Variants in SORCS3 observed in about 807,000 individuals in gnomAD.
SORCS3 encodes VPS10 domain-containing receptor SorCS3.
SORCS3 carries 57 observed loss-of-function variants against 146.3 expected under a neutral mutation model. That is an observed-to-expected ratio of 0.39 (90% CI 0.31 to 0.49). The LOEUF (loss-of-function observed/expected upper bound fraction) is 0.49, where lower values mean the gene tolerates loss of function less well. SORCS3 is among the 20% of genes least tolerant of loss of function. The probability of loss-of-function intolerance (pLI) is 0.92; values close to 1 mark genes in which losing one functional copy is unlikely to be tolerated. For synonymous variants in SORCS3, 653 were observed against 618.5 expected (o/e 1.06, Z -0.83); for missense variants, 1,341 against 1,575.5 (o/e 0.85, Z 2.52).
chr10:105,082,012 G>A (rs895917970), intron 5 of SORCS3, among the ~76,000 whole-genome samples: 3 of 152,200 alleles, frequency 2.0e-5, no homozygotes, highest in South Asian at 4.1e-4. Flanking sequence ...TATTATAACC[G>A]TTCATTCAAC....
At position 105,043,114 on chromosome 10, in the gene SORCS3, C is replaced by T; in HGVS notation, c.1014C>T (p.Pro338=). 1 of 1,613,666 alleles carries T rather than the reference C, an allele frequency of 6.2e-7. No homozygotes were observed. Among genetic ancestry groups the T allele is most frequent in the Non-Finnish European group, 8.5e-7 (1 of 1,179,680 alleles). The change falls in exon 5 of 27, where the codon CCC becomes CCT. Residue 338 remains proline, a synonymous_variant. Coordinates refer to ENST00000369701, the MANE Select transcript of SORCS3 (RefSeq NM_014978.3). Reference sequence around the variant, plus strand: ...AACTCATGCATGAACGCATCACACCCAACAGGTTTTATTGGTAAGCCCTAT... The same window carrying T: ...AACTCATGCATGAACGCATCACACCTAACAGGTTTTATTGGTAAGCCCTAT... ...RWQLMHERIT[P]NRFYWSVAGL...
At chr10:104,670,008 C>A (rs897056596) in intron 1 of SORCS3, among the ~76,000 whole-genome samples, 1 of 151,734 alleles carries the variant, frequency 6.6e-6, no homozygotes, top group African/African-American at 2.4e-5. Flanking sequence ...GCTTATTAGT[C>A]ATTTGTATAT....
intron 21 of SORCS3, among the ~76,000 whole-genome samples, chr10:105,246,925 A>T (rs2056869854): frequency 6.6e-6 from 1 of 152,354 alleles, no homozygotes; most frequent in South Asian, 2.1e-4. Flanking sequence ...ACAGTAGCAG[A>T]CGTCTCCTTC....
chr10:105,252,613 G>GA (rs1214051674), intron 22 of SORCS3, among the ~76,000 whole-genome samples, 162 bp from the exon 23 acceptor site: 2 of 152,218 alleles, frequency 1.3e-5, no homozygotes, highest in Non-Finnish European at 2.9e-5. Flanking sequence ...AGGTCTAAGG[G>GA]AAAAACTGAA....
chr10:105,082,007 T>C (rs573032792), intron 5 of SORCS3, among the ~76,000 whole-genome samples: 1 of 152,324 alleles, frequency 6.6e-6, no homozygotes, highest in East Asian at 1.9e-4. Flanking sequence ...GAAAGTATTA[T>C]AACCGTTCAT....
At chr10:105,183,885 G>A (rs994069111) in intron 14 of SORCS3, among the ~76,000 whole-genome samples, 9 of 152,276 alleles carry the variant, frequency 5.9e-5, no homozygotes, top group Middle Eastern at 6.8e-3. Flanking sequence ...GAGGGATGGT[G>A]TGGTGACTGA....
At chr10:105,030,733 C>T (rs2055261014) in intron 4 of SORCS3, among the ~76,000 whole-genome samples, 1 of 151,960 alleles carries the variant, frequency 6.6e-6, no homozygotes, top group Non-Finnish European at 1.5e-5. Context: ...GCTGGGATTA[C>T]AGGCATGTGC....
intron 1 of SORCS3, among the ~76,000 whole-genome samples, chr10:104,781,061 T>C (rs533849547): frequency 6.6e-6 from 1 of 152,310 alleles, no homozygotes; most frequent in South Asian, 2.1e-4. Context: ...ATGGATGTGT[T>C]TTGCACAGAA....
At chr10:105,159,784 C>T (rs994128303) in intron 11 of SORCS3, among the ~76,000 whole-genome samples, 1 of 152,186 alleles carries the variant, frequency 6.6e-6, no homozygotes, top group African/African-American at 2.4e-5. Context: ...AAGCTCTGGT[C>T]CCTGGAGTTC....
intron 4 of SORCS3, among the ~76,000 whole-genome samples, chr10:104,996,925 GA>G (rs1422899320): frequency 6.6e-6 from 1 of 152,158 alleles, no homozygotes; most frequent in Admixed American, 6.6e-5. Context: ...TCAGTGGAGG[GA>G]GATCCAGCGG....
At chr10:105,094,363 T>C (rs2133744892) in intron 6 of SORCS3, among the ~76,000 whole-genome samples, 1 of 152,360 alleles carries the variant, frequency 6.6e-6, no homozygotes, top group South Asian at 2.1e-4. Flanking sequence ...AAAATATGTT[T>C]GTATTAAAAA....
At chr10:104,867,829 C>T (rs2018476554) in intron 2 of SORCS3, among the ~76,000 whole-genome samples, 1 of 152,182 alleles carries the variant, frequency 6.6e-6, no homozygotes, top group African/African-American at 2.4e-5. Flanking sequence ...TGCTGTGGCT[C>T]ATTTCAATGT....
At chr10:104,998,128 T>A (rs1433883531) in intron 4 of SORCS3, among the ~76,000 whole-genome samples, 1 of 152,082 alleles carries the variant, frequency 6.6e-6, no homozygotes, top group Non-Finnish European at 1.5e-5. Context: ...GAAGAACATA[T>A]AATTTGGTGG....
chr10:105,255,186 CAA>C (rs35150065), intron 23 of SORCS3, among the ~76,000 whole-genome samples: 5 of 32,650 alleles, frequency 1.5e-4, no homozygotes, highest in African/African-American at 5.1e-4. Flanking sequence ...GACTCAGTCT[CAA>C]AAAAAAAAAA....
intron 20 of SORCS3, among the ~76,000 whole-genome samples, chr10:105,239,376 G>T (rs1176910949): frequency 6.6e-6 from 1 of 152,208 alleles, no homozygotes; most frequent in Non-Finnish European, 1.5e-5. Flanking sequence ...AAGTTGCAGA[G>T]ATTTTAAAGT....
intron 1 of SORCS3, among the ~76,000 whole-genome samples, chr10:104,644,000 T>TGC (rs2015461378): frequency 6.6e-6 from 1 of 152,200 alleles, no homozygotes; most frequent in African/African-American, 2.4e-5. Flanking sequence ...CAGTTAACTG[T>TGC]GCATGGCCTT....
At chr10:104,895,779 TC>T (rs921167071) in intron 2 of SORCS3, among the ~76,000 whole-genome samples, 2 of 152,196 alleles carry the variant, frequency 1.3e-5, no homozygotes, top group African/African-American at 4.8e-5. Flanking sequence ...TTGGATGCTC[TC>T]CCTGCCTGCT....
chr10:105,262,809 A>G (rs1383408460), intron 26 of SORCS3, among the ~76,000 whole-genome samples: 1 of 152,194 alleles, frequency 6.6e-6, no homozygotes, highest in African/African-American at 2.4e-5. Context: ...TGATTACATG[A>G]ATGTGGAATC....
chr10:104,814,759 C>A (rs2133521618), intron 1 of SORCS3, among the ~76,000 whole-genome samples: 1 of 152,280 alleles, frequency 6.6e-6, no homozygotes, highest in East Asian at 1.9e-4. Context: ...TAGTAGATAC[C>A]ACTTATTAAT....
Sources: gnomAD v4.1 joint callset for allele counts (sites outside exome capture counted in the v4.1 genomes callset) on GRCh38, gnomAD v4.1.1 for gene constraint, MANE v1.5 for transcripts, NCBI Gene and HGNC (gene_info 2026-07-23, HGNC 2026-07-21) for gene names.